TRERF1: variants seen among roughly 807,000 people sequenced by gnomAD.
The protein encoded by TRERF1 is transcriptional-regulating factor 1.
TRERF1 carries 27 observed loss-of-function variants against 122.9 expected under a neutral mutation model. The observed-to-expected ratio is 0.22, with a 90% CI of 0.16 to 0.30. TRERF1 has a LOEUF of 0.30. Ranked by LOEUF, TRERF1 falls within the 10% of genes least tolerant of loss-of-function variation. TRERF1 has a pLI of 1.00. For missense variants in TRERF1, 1,248 were observed against 1,560.3 expected, an observed-to-expected ratio of 0.80 and a Z score of 3.37; for synonymous variants, 636 against 641.7, an observed-to-expected ratio of 0.99 and a Z score of 0.13.
chr6:42,243,317 C>T (rs1340930617), exon 15 of TRERF1: 16 of 1,614,096 alleles, frequency 9.9e-6, no homozygotes, highest in Admixed American at 1.7e-5. Flanking sequence ...TCTTTTTCCA[C>T]GTGTAGTAGT....
chr6:42,363,354 C>A (rs900016320), intron 2 of TRERF1, among the ~76,000 whole-genome samples: 1 of 152,218 alleles, frequency 6.6e-6, no homozygotes, highest in Non-Finnish European at 1.5e-5. Flanking sequence ...TCACACCCCA[C>A]GTCTAATCCA....
chr6:42,300,763 A>G lies in TRERF1; in HGVS notation c.-370-14T>C, dbSNP rs1006802372. On this transcript the variant is annotated splice_polypyrimidine_tract_variant and intron_variant, in intron 3 of 17. Coordinates refer to ENST00000372922, the Ensembl canonical transcript of TRERF1. ...GGAGGCCTGGTCCTGTGGGGAAAAG[A>G]AAAAGGAAAGGTCATTTCCTCATCA... 3.3e-5 allele frequency: 5 copies of G among 152,626 alleles called. No individual in the cohort carries two copies. The highest frequency in any genetic ancestry group is 3.3e-4 in the Admixed American group (5 of 15,276). 9.5% of individuals were successfully genotyped at this position (152,626 alleles called of 1,614,324 possible). A position where few individuals can be genotyped will look rare whatever the true frequency, so the allele number is the denominator to read the frequency against.
At chr6:42,289,590 T>C (rs1285265687) in intron 4 of TRERF1, among the ~76,000 whole-genome samples, 1 of 152,216 alleles carries the variant, frequency 6.6e-6, no homozygotes, top group Non-Finnish European at 1.5e-5. Flanking sequence ...ATTTTTGTAA[T>C]ACTGATCATC....
intron 2 of TRERF1, among the ~76,000 whole-genome samples, chr6:42,388,301 C>T (rs907267877): frequency 1.3e-5 from 2 of 150,152 alleles, no homozygotes; most frequent in African/African-American, 4.9e-5. Flanking sequence ...AAGTTGGGTT[C>T]GAATTATTTT....
At chr6:42,265,914 T>A in intron 5 of TRERF1, 117 bp from the exon 6 acceptor site, 1 of 1,044,966 alleles carries the variant, frequency 9.6e-7, no homozygotes, top group Non-Finnish European at 1.4e-6. Context: ...TTCTGCTGTC[T>A]GCTTCGTGCT....
At chr6:42,360,225 G>A (rs1315305178) in intron 3 of TRERF1, among the ~76,000 whole-genome samples, 1 of 152,214 alleles carries the variant, frequency 6.6e-6, no homozygotes, top group Admixed American at 6.5e-5. Flanking sequence ...TAAAGTAGGT[G>A]CTATTCTTAT....
chr6:42,374,512 C>T (rs1313418977), intron 2 of TRERF1, among the ~76,000 whole-genome samples: 1 of 152,136 alleles, frequency 6.6e-6, no homozygotes, highest in East Asian at 1.9e-4. Context: ...TAGATGGTTT[C>T]CCTCACCATG....
At chr6:42,323,040 T>G (rs1763702126) in intron 3 of TRERF1, among the ~76,000 whole-genome samples, 1 of 151,046 alleles carries the variant, frequency 6.6e-6, no homozygotes, top group African/African-American at 2.5e-5. Context: ...TCCATTATCC[T>G]GCCCTCTCCA....
At chr6:42,294,922 C>T (rs1017875721) in intron 4 of TRERF1, among the ~76,000 whole-genome samples, 3 of 152,012 alleles carry the variant, frequency 2.0e-5, no homozygotes, top group African/African-American at 7.2e-5. Flanking sequence ...AACCTTGGCT[C>T]ACGGCTCTGA....
chr6:42,268,834 C>A lies in TRERF1; in HGVS notation c.757G>T (p.Ala253Ser). Residue 253 changes from alanine (A) to serine (S), a missense_variant, in exon 5 of 18, where the codon GCC becomes TCC. Ala to Ser is a moderately conservative substitution (Grantham distance 99). Around this residue, in one of 5 missense-constraint regions of TRERF1, gnomAD observed 946 missense variants for 1,073.0 expected, o/e 0.88. Transcript: ENST00000372922. The surrounding 1 kb of genome is among the most constrained non-coding windows in gnomAD (Gnocchi z 4.4). Reference sequence around the variant, plus strand: ...ATGTGCTGTGACAGCATCTGTGGGGCCTGCAGTGGCTGTCCTCCCTGCACT... The same window carrying A: ...ATGTGCTGTGACAGCATCTGTGGGGACTGCAGTGGCTGTCCTCCCTGCACT... 6.2e-7 allele frequency: 1 copy of A among 1,614,168 alleles called. No individual in the cohort carries two copies. The highest frequency in any genetic ancestry group is 8.5e-7 in the Non-Finnish European group (1 of 1,180,030).
intron 3 of TRERF1, among the ~76,000 whole-genome samples, chr6:42,321,854 C>A (rs945356295): frequency 4.8e-4 from 73 of 152,212 alleles, no homozygotes; most frequent in African/African-American, 1.7e-3. Flanking sequence ...ACAAGTATGT[C>A]CAATGGTGGA....
rs183277934 is a variant in TRERF1 at position 42,269,648 on chromosome 6, C to G, written c.-58G>C. On this transcript the variant is annotated 5_prime_UTR_variant, in exon 5 of 18. Coordinates refer to ENST00000372922, the Ensembl canonical transcript of TRERF1. The surrounding 1 kb of genome is among the most constrained non-coding windows in gnomAD (Gnocchi z 4.9). ...AAAACCATAAAAAAGGTAAATAAAA[C>G]AAACCCAAAAGGACTGAAACCCTGA... The G allele has an allele frequency of 3.8e-6, 6 of 1,567,964 alleles. No homozygotes were observed. In the East Asian group the frequency reaches 1.1e-4, roughly 29 times the overall value.
chr6:42,257,994 A>G, intron 10 of TRERF1, 141 bp downstream of exon 10: 1 of 679,276 alleles, frequency 1.5e-6, no homozygotes, highest in Non-Finnish European at 2.4e-6. Flanking sequence ...GTGCAGGGAA[A>G]CAACAGTACT....
intron 13 of TRERF1, among the ~76,000 whole-genome samples, chr6:42,249,521 G>A (rs368429551): frequency 6.6e-6 from 1 of 152,154 alleles, no homozygotes; most frequent in Non-Finnish European, 1.5e-5. Flanking sequence ...CCCAAACCTC[G>A]TGGGGGAAGG....
intron 2 of TRERF1, among the ~76,000 whole-genome samples, chr6:42,446,498 A>T (rs564526483): frequency 1.8e-4 from 28 of 152,170 alleles, no homozygotes; most frequent in Non-Finnish European, 3.1e-4. Flanking sequence ...CACTGATCAC[A>T]ATTGGCAAGC....
intron 5 of TRERF1, among the ~76,000 whole-genome samples, chr6:42,267,517 T>C (rs1192783440): frequency 6.6e-6 from 1 of 151,884 alleles, no homozygotes; most frequent in Non-Finnish European, 1.5e-5. Context: ...TAATTCCAGC[T>C]ACTTAGGAGG....
At chr6:42,358,073 A>G (rs1476172188) in intron 3 of TRERF1, among the ~76,000 whole-genome samples, 4 of 151,990 alleles carry the variant, frequency 2.6e-5, no homozygotes, top group Non-Finnish European at 4.4e-5. Flanking sequence ...AGTTTTCTGC[A>G]TATGTGGGGG....
intron 2 of TRERF1, among the ~76,000 whole-genome samples, chr6:42,417,783 GT>G (rs1322915557): frequency 1.3e-5 from 2 of 152,180 alleles, no homozygotes; most frequent in African/African-American, 4.8e-5. Flanking sequence ...CAGGAAGAAA[GT>G]GGTGTTTTGG....
chr6:42,397,508 C>T (rs1778802584), intron 2 of TRERF1, among the ~76,000 whole-genome samples: 1 of 152,222 alleles, frequency 6.6e-6, no homozygotes, highest in Non-Finnish European at 1.5e-5. Context: ...CCCTATGTCC[C>T]AAGACATCTT....
Sources: allele counts gnomAD v4.1 joint callset (sites outside exome capture counted in the v4.1 genomes callset), GRCh38; gene constraint gnomAD v4.1.1; regional missense constraint gnomAD v4.1.1; non-coding constraint Gnocchi (gnomAD v3.1); transcripts MANE v1.5; gene names NCBI Gene and HGNC (gene_info 2026-07-23, HGNC 2026-07-21).